Variants in TPST2 observed in about 807,000 individuals in gnomAD.
The protein encoded by TPST2 is tyrosylprotein sulfotransferase 2.
TPST2 carries 16 observed loss-of-function variants against 27.8 expected under a neutral mutation model. The observed-to-expected ratio is 0.58, with a 90% CI of 0.39 to 0.88. The LOEUF (loss-of-function observed/expected upper bound fraction) is 0.88. TPST2 is among the 40% of genes least tolerant of loss of function. The pLI is 0.00. For synonymous variants in TPST2, 229 were observed against 231.7 expected, an observed-to-expected ratio of 0.99 and a Z score of 0.10; for missense variants, 464 against 543.1, an observed-to-expected ratio of 0.85 and a Z score of 1.45.
At chr22:26,579,768 CAGAG>C (rs1353794382) in intron 1 of TPST2, among the ~76,000 whole-genome samples, 1 of 151,592 alleles carries the variant, frequency 6.6e-6, no homozygotes, top group Admixed American at 6.6e-5. Context: ...CGGAAGAAGA[CAGAG>C]AGAGAAAAAA....
chr22:26,576,520 G>A (rs1337402835), intron 1 of TPST2, among the ~76,000 whole-genome samples: 1 of 152,018 alleles, frequency 6.6e-6, no homozygotes, highest in Non-Finnish European at 1.5e-5. Flanking sequence ...AGAAGTTAGA[G>A]GAAGCGTCCC....
At chr22:26,538,712 T>C (rs954455875) in intron 3 of TPST2, among the ~76,000 whole-genome samples, 3 of 152,098 alleles carry the variant, frequency 2.0e-5, no homozygotes, top group Admixed American at 2.0e-4. Context: ...ATCCCAGCTA[T>C]TTGGGAGGCT....
chr22:26,575,951 G>A (rs899737564), intron 1 of TPST2, among the ~76,000 whole-genome samples: 10 of 151,912 alleles, frequency 6.6e-5, no homozygotes, highest in Non-Finnish European at 1.2e-4. Context: ...AGCCGAGATC[G>A]TGCCACCGCA....
chr22:26,541,030 C>G lies in TPST2; in HGVS notation c.601G>C (p.Gly201Arg). Residue 201 changes from glycine (G) to arginine (R), a missense_variant, in exon 3 of 7, where the codon GGC (glycine) becomes CGC (arginine). Coordinates refer to ENST00000338754, the MANE Select transcript of TPST2 (RefSeq NM_003595.5). The surrounding 1 kb of genome is among the most constrained non-coding windows in gnomAD (Gnocchi z 5.9). ...SMITRKVTIA[G>R]FDLSSYRDCL... ...TCACGGTAGCTGCTGAGGTCAAAGCCCGCAATGGTGACTTTGCGCGTGATC... is the reference window on the plus strand; with the variant it reads ...TCACGGTAGCTGCTGAGGTCAAAGCGCGCAATGGTGACTTTGCGCGTGATC... The G allele has an allele frequency of 6.2e-7, 1 of 1,614,098 alleles. No individual in the cohort carries two copies. Among genetic ancestry groups the G allele is most frequent in the Non-Finnish European group, 8.5e-7 (1 of 1,180,040 alleles).
intron 1 of TPST2, among the ~76,000 whole-genome samples, chr22:26,585,743 C>T (rs574003313): frequency 6.6e-6 from 1 of 152,182 alleles, no homozygotes; most frequent in African/African-American, 2.4e-5. Context: ...AATACACCCA[C>T]AAAGTCACAT....
At chr22:26,577,579 G>A (rs915119767) in intron 1 of TPST2, among the ~76,000 whole-genome samples, 2 of 150,648 alleles carry the variant, frequency 1.3e-5, no homozygotes, top group African/African-American at 4.9e-5. Flanking sequence ...TCGAACTCCT[G>A]ACCTTGTAAT....
At chr22:26,535,316 G>A (rs565809224) in intron 4 of TPST2, among the ~76,000 whole-genome samples, 2 of 152,354 alleles carry the variant, frequency 1.3e-5, no homozygotes, top group Non-Finnish European at 2.9e-5. Context: ...AGTAAGGGCT[G>A]TGAAAGCTCT....
In TPST2 at chr22:26,577,651, T is replaced by A. The variant is rs1281002138; in HGVS notation, c.-161+12402A>T. Among the ~76,000 whole-genome samples the A allele has an allele frequency of 5.4e-4, 23 of 42,804 alleles. No homozygotes were observed. In the South Asian group the frequency reaches 0.011, roughly 21 times the overall value. The allele number at this position is 42,804 out of a possible 152,430, so 28.1% of individuals were successfully genotyped here. On this transcript the variant is annotated intron_variant, in intron 1 of 6. Transcript: ENST00000338754. ...GGTGTGAGCCACTGCACCCGGCCAT[T>A]TTTTTTTTTTTTTTTTTTTTTGAGA... is the stretch of plus-strand genomic sequence containing the variant.
At chr22:26,566,764 TAAAC>T (rs149108718) in intron 1 of TPST2, among the ~76,000 whole-genome samples, 8,696 of 151,588 alleles carry the variant, frequency 0.057, 565 homozygotes, top group East Asian at 0.24. Context: ...AGTCAGTAAA[TAAAC>T]AAACAAACAA....
chr22:26,560,679 A>C, intron 1 of TPST2: 1 of 1,143,978 alleles, frequency 8.7e-7, no homozygotes, highest in African/African-American at 1.5e-5. Context: ...GTGGAAGACC[A>C]TGTCTGCTAA....
chr22:26,568,864 C>CTT (rs985608738), intron 1 of TPST2, among the ~76,000 whole-genome samples: 153 of 119,618 alleles, frequency 1.3e-3, no homozygotes, highest in African/African-American at 4.0e-3. Flanking sequence ...ACCCTGAATT[C>CTT]TTTTTTTTTT....
intron 2 of TPST2, 32 bp downstream of exon 2, chr22:26,544,572 C>A: frequency 3.0e-6 from 3 of 984,656 alleles, no homozygotes; most frequent in Non-Finnish European, 3.6e-6. Context: ...GGGGCCAGGA[C>A]TCCAGGGGAA....
chr22:26,560,874 C>A, intron 1 of TPST2: 1 of 1,595,702 alleles, frequency 6.3e-7, no homozygotes, highest in Non-Finnish European at 8.6e-7. Context: ...CAAAGGAGAA[C>A]ATCCTGGCCT....
intron 3 of TPST2, among the ~76,000 whole-genome samples, chr22:26,538,122 A>G (rs960714700): frequency 2.6e-5 from 4 of 152,336 alleles, no homozygotes; most frequent in Middle Eastern, 3.4e-3. Context: ...CCCAGGATCA[A>G]GGGCCTAGTT....
At chr22:26,528,569 C>T (rs2283825) in intron 5 of TPST2, among the ~76,000 whole-genome samples, 27,419 of 152,100 alleles carry the variant, frequency 0.18, 2,623 homozygotes, top group African/African-American at 0.23. Flanking sequence ...ACTTCAAAAA[C>T]GGTGGCCAGG....
chr22:26,568,321 G>A (rs1337376972), intron 1 of TPST2, among the ~76,000 whole-genome samples: 1 of 152,208 alleles, frequency 6.6e-6, no homozygotes, highest in Non-Finnish European at 1.5e-5. Context: ...TTCTGTCAGA[G>A]GCACTGGAAC....
At chr22:26,585,767 C>T (rs943329332) in intron 1 of TPST2, among the ~76,000 whole-genome samples, 2 of 152,198 alleles carry the variant, frequency 1.3e-5, no homozygotes, top group African/African-American at 4.8e-5. Flanking sequence ...TAATACATTT[C>T]AGGCCAGGCG....
chr22:26,528,292 G>T, intron 5 of TPST2, 30 bp from the exon 6 acceptor site: 1 of 1,556,040 alleles, frequency 6.4e-7, no homozygotes, highest in Non-Finnish European at 8.7e-7. Flanking sequence ...AGAAGAAGGG[G>T]TCACGGCCAG....
At chr22:26,563,797 C>T (rs1263244547) in intron 1 of TPST2, among the ~76,000 whole-genome samples, 1 of 152,182 alleles carries the variant, frequency 6.6e-6, no homozygotes, top group African/African-American at 2.4e-5. Context: ...TGCCCTAGGG[C>T]CTCACTAGGG....
Sources: gnomAD v4.1 joint callset for allele counts (sites outside exome capture counted in the v4.1 genomes callset) on GRCh38, gnomAD v4.1.1 for gene constraint, Gnocchi (gnomAD v3.1) non-coding constraint, MANE v1.5 for transcripts, NCBI Gene and HGNC (gene_info 2026-07-23, HGNC 2026-07-21) for gene names.